Variants in ZBTB20 observed in about 807,000 individuals in gnomAD.
ZBTB20 encodes zinc finger and BTB domain-containing protein 20.
In ZBTB20, 9 loss-of-function variants were observed where a neutral mutation model predicts 56.9. That is an observed-to-expected ratio of 0.16 (90% CI 0.10 to 0.28). The LOEUF is 0.28. ZBTB20 is among the 10% of genes least tolerant of loss of function. The pLI is 1.00. For synonymous variants in ZBTB20, 417 were observed against 420.7 expected (o/e 0.99, Z 0.11); for missense variants, 655 against 1,003.0 (o/e 0.65, Z 4.69).
rs1210604344 is a variant in ZBTB20 at position 114,500,383 on chromosome 3, G to T, written c.-286C>A. 1 of 151,946 alleles carries T rather than the reference G, an allele frequency of 6.6e-6. No homozygotes were observed. Among genetic ancestry groups the T allele is most frequent in the African/African-American group, 2.4e-5 (1 of 41,384 alleles). The allele number at this position is 151,946 out of a possible 1,614,324, so 9.4% of individuals were successfully genotyped here. On this transcript the variant is annotated 5_prime_UTR_variant, in exon 7 of 12. Coordinates refer to ENST00000675478, the MANE Select transcript of ZBTB20 (RefSeq NM_001348800.3). The stretch of plus-strand genomic sequence containing the variant: ...AGAAGGGGCAGGTCACAGACTGATG[G>T]TCAAAGATCTGAAAATCAAAGAAAA...
intron 6 of ZBTB20, among the ~76,000 whole-genome samples, chr3:114,604,665 G>C (rs1040878153): frequency 4.0e-5 from 6 of 151,890 alleles, no homozygotes; most frequent in Non-Finnish European, 5.9e-5. Context: ...CCAATATCTG[G>C]GTAAACGTGG....
At chr3:114,986,939 C>T (rs2078571959) in intron 2 of ZBTB20, among the ~76,000 whole-genome samples, 1 of 152,030 alleles carries the variant, frequency 6.6e-6, no homozygotes, top group Non-Finnish European at 1.5e-5. Flanking sequence ...TCATGATAAC[C>T]AATAAATTGT....
At chr3:115,089,503 T>G (rs1172197365) in intron 1 of ZBTB20, among the ~76,000 whole-genome samples, 2 of 151,828 alleles carry the variant, frequency 1.3e-5, no homozygotes, top group Non-Finnish European at 2.9e-5. Context: ...TCAATTTACA[T>G]GGTCTAAGCA....
At chr3:114,839,497 G>A (rs1268019261) in intron 4 of ZBTB20, among the ~76,000 whole-genome samples, 1 of 151,124 alleles carries the variant, frequency 6.6e-6, no homozygotes, top group Non-Finnish European at 1.5e-5. Flanking sequence ...AAGAAAGGGA[G>A]AGAGAAAGAA....
At chr3:114,532,755 G>A (rs927819702) in intron 6 of ZBTB20, among the ~76,000 whole-genome samples, 2 of 152,166 alleles carry the variant, frequency 1.3e-5, no homozygotes, top group Non-Finnish European at 2.9e-5. Context: ...GTGGCATCTG[G>A]TGGGTGCCCC....
chr3:115,100,466 G>C (rs1370015014), intron 1 of ZBTB20: 1 of 152,376 alleles, frequency 6.6e-6, no homozygotes, highest in Non-Finnish European at 1.5e-5. Context: ...GAAAGAAACA[G>C]AGAGAAAGGC....
intron 7 of ZBTB20, among the ~76,000 whole-genome samples, chr3:114,414,970 T>C (rs989065460): frequency 6.6e-6 from 1 of 151,878 alleles, no homozygotes; most frequent in Non-Finnish European, 1.5e-5. Flanking sequence ...CCCAGGATTT[T>C]AACCACAGAT....
intron 1 of ZBTB20, among the ~76,000 whole-genome samples, chr3:115,138,544 G>C (rs538486687): frequency 8.9e-4 from 136 of 152,134 alleles, no homozygotes; most frequent in African/African-American, 3.1e-3. Flanking sequence ...CCAGAATAGT[G>C]GTCTGATGGG....
chr3:114,549,347 A>G (rs541010745), intron 6 of ZBTB20, among the ~76,000 whole-genome samples: 5 of 152,326 alleles, frequency 3.3e-5, no homozygotes, highest in Admixed American at 6.5e-5. Flanking sequence ...ACAATTACAT[A>G]TAACACTTCT....
At chr3:114,623,710 T>C (rs908287538) in intron 6 of ZBTB20, among the ~76,000 whole-genome samples, 2 of 152,170 alleles carry the variant, frequency 1.3e-5, no homozygotes, top group African/African-American at 4.8e-5. Flanking sequence ...AGAACAGAAA[T>C]GCATGGAAAG....
At chr3:114,432,774 T>G (rs1278779756) in intron 7 of ZBTB20, among the ~76,000 whole-genome samples, 1 of 152,188 alleles carries the variant, frequency 6.6e-6, no homozygotes, top group Non-Finnish European at 1.5e-5. Flanking sequence ...AGACGACTGG[T>G]TCCAGATCAT....
At chr3:115,094,745 A>G (rs2083317291) in intron 1 of ZBTB20, among the ~76,000 whole-genome samples, 1 of 151,992 alleles carries the variant, frequency 6.6e-6, no homozygotes, top group South Asian at 2.1e-4. Context: ...TAATTCAGTA[A>G]AAAACAAAAA....
At chr3:115,035,154 G>A (rs908244685) in intron 2 of ZBTB20, among the ~76,000 whole-genome samples, 1 of 151,918 alleles carries the variant, frequency 6.6e-6, no homozygotes, top group African/African-American at 2.4e-5. Flanking sequence ...CATCATACTG[G>A]ATTTGGCAAT....
At chr3:115,122,171 G>A (rs907041223) in intron 1 of ZBTB20, among the ~76,000 whole-genome samples, 4 of 151,942 alleles carry the variant, frequency 2.6e-5, no homozygotes, top group South Asian at 2.1e-4. Flanking sequence ...ATGCTGAACC[G>A]TCTTAATTTC....
At chr3:114,964,137 G>T (rs569105333) in intron 3 of ZBTB20, among the ~76,000 whole-genome samples, 2 of 152,218 alleles carry the variant, frequency 1.3e-5, no homozygotes, top group African/African-American at 4.8e-5. Flanking sequence ...TTAATAGGCT[G>T]GGTGCAGAGG....
At chr3:114,938,410 T>TA (rs1369083841) in intron 3 of ZBTB20, among the ~76,000 whole-genome samples, 1 of 146,262 alleles carries the variant, frequency 6.8e-6, no homozygotes, top group East Asian at 1.9e-4. Context: ...TTTTAGGTCT[T>TA]ACGTCTAAGT....
chr3:115,089,497 T>C (rs572841651), intron 1 of ZBTB20, among the ~76,000 whole-genome samples: 7 of 151,924 alleles, frequency 4.6e-5, no homozygotes, highest in South Asian at 2.1e-4. Flanking sequence ...CAAAACTCAA[T>C]TTACATGGTC....
intron 5 of ZBTB20, among the ~76,000 whole-genome samples, chr3:114,786,217 C>T (rs1281409548): frequency 2.0e-5 from 3 of 151,724 alleles, no homozygotes; most frequent in African/African-American, 2.4e-5. Flanking sequence ...TAGGTATACA[C>T]GTGCCATGGT....
At chr3:114,816,271 T>C (rs971397538) in intron 4 of ZBTB20, among the ~76,000 whole-genome samples, 1 of 152,136 alleles carries the variant, frequency 6.6e-6, no homozygotes, top group Non-Finnish European at 1.5e-5. Flanking sequence ...GCTGGGCAAA[T>C]AGAGGAAGTA....
Sources: allele counts gnomAD v4.1 joint callset (sites outside exome capture counted in the v4.1 genomes callset), GRCh38; gene constraint gnomAD v4.1.1; transcripts MANE v1.5; gene names NCBI Gene and HGNC (gene_info 2026-07-23, HGNC 2026-07-21).